ATP10D: variants seen among roughly 807,000 people sequenced by gnomAD.
ATP10D encodes ATPase phospholipid transporting 10D (putative).
ATP10D carries 89 observed loss-of-function variants against 144.8 expected under a neutral mutation model. The ratio of observed to expected loss-of-function variants is 0.61; its 90% confidence interval spans 0.52 to 0.73. The LOEUF is 0.73. Among genes scored for constraint, ATP10D ranks in the 30% least tolerant of loss-of-function variants. The pLI is 0.00. For missense variants in ATP10D, 1,603 were observed against 1,714.8 expected (o/e 0.93, Z 1.15); for synonymous variants, 571 against 615.1 (o/e 0.93, Z 1.06).
Position 47,581,982 on chromosome 4 carries a change from A to T in ATP10D, c.3671A>T (p.Asp1224Val). 6.2e-7 allele frequency: 1 copy of T among 1,613,918 alleles called. No individual in the cohort carries two copies. The highest frequency in any genetic ancestry group is 8.5e-7 in the Non-Finnish European group (1 of 1,179,870). Residue 1224 changes from aspartate to valine, a missense_variant, in exon 21 of 23, where the codon GAC becomes GTC. By Grantham distance (152) the Asp-to-Val change is radical. Transcript: ENST00000273859. ...PYFTYQGSDT[D>V]IFAFGNPLNT... ...TAGACCTACCAGGGCTCAGATACTG[A>T]CATCTTTGCATTTGGAAACCCCCTG... is the stretch of plus-strand genomic sequence containing the variant.
At chr4:47,575,804 G>T (rs943791169) in intron 18 of ATP10D, among the ~76,000 whole-genome samples, 2 of 152,142 alleles carry the variant, frequency 1.3e-5, no homozygotes, top group Admixed American at 1.3e-4. Flanking sequence ...CTGGAGGCTG[G>T]AAATCCAGAT....
chr4:47,501,299 A>G (rs934193357), intron 1 of ATP10D, among the ~76,000 whole-genome samples: 1 of 152,192 alleles, frequency 6.6e-6, no homozygotes, highest in Non-Finnish European at 1.5e-5. Context: ...ATTTGCATGT[A>G]TTGAATTATA....
chr4:47,488,187 C>T (rs937612705), intron 1 of ATP10D, among the ~76,000 whole-genome samples: 1 of 151,856 alleles, frequency 6.6e-6, no homozygotes, highest in East Asian at 1.9e-4. Context: ...ATTGATAAAA[C>T]TCAGTTACAA....
chr4:47,528,165 A>G (rs1717352383), intron 5 of ATP10D, among the ~76,000 whole-genome samples: 2 of 152,006 alleles, frequency 1.3e-5, no homozygotes, highest in Non-Finnish European at 2.9e-5. Flanking sequence ...TGCAATGGTG[A>G]GGTTTGGGTG....
intron 19 of ATP10D, among the ~76,000 whole-genome samples, chr4:47,579,539 A>G (rs752690921): frequency 6.6e-6 from 1 of 152,236 alleles, no homozygotes; most frequent in Admixed American, 6.5e-5. Context: ...CTAGGATACA[A>G]GTAATGAGGA....
intron 1 of ATP10D, among the ~76,000 whole-genome samples, chr4:47,507,589 A>G (rs73138081): frequency 4.5e-4 from 68 of 152,358 alleles, no homozygotes; most frequent in African/African-American, 1.6e-3. Context: ...AGATTGAGCC[A>G]TGCAAAAGGA....
chr4:47,555,456 C>G (rs1396630268), intron 11 of ATP10D, among the ~76,000 whole-genome samples: 1 of 152,158 alleles, frequency 6.6e-6, no homozygotes, highest in Non-Finnish European at 1.5e-5. Context: ...CCTAACAATC[C>G]TATGAGTTAG....
At chr4:47,491,227 A>AC in intron 1 of ATP10D, 1 of 768,562 alleles carries the variant, frequency 1.3e-6, no homozygotes, top group East Asian at 2.5e-5. Flanking sequence ...CTTGCCCTTA[A>AC]CTTGTTTACA....
chr4:47,511,094 G>T (rs1173837720), intron 1 of ATP10D, among the ~76,000 whole-genome samples: 5 of 152,286 alleles, frequency 3.3e-5, no homozygotes, highest in African/African-American at 1.2e-4. Context: ...GCCATTGTGA[G>T]CAGCCAGTTA....
intron 5 of ATP10D, among the ~76,000 whole-genome samples, chr4:47,532,730 ACATCCTCC>A (rs1717632152): frequency 6.6e-6 from 1 of 152,202 alleles, no homozygotes; most frequent in Admixed American, 6.5e-5. Context: ...GGTAGAACTG[ACATCCTCC>A]CTATTTGTGA....
chr4:47,524,856 A>T (rs1177735740), intron 4 of ATP10D, among the ~76,000 whole-genome samples: 1 of 152,184 alleles, frequency 6.6e-6, no homozygotes, highest in Non-Finnish European at 1.5e-5. Flanking sequence ...ATATCATATA[A>T]TTCACATTTT....
chr4:47,580,079 A>AAAACTTCTC (rs1381651620), intron 19 of ATP10D, among the ~76,000 whole-genome samples: 1 of 152,214 alleles, frequency 6.6e-6, no homozygotes, highest in Non-Finnish European at 1.5e-5. Context: ...ATAGAGTTGG[A>AAAACTTCTC]GAAGTTTTGA....
intron 1 of ATP10D, among the ~76,000 whole-genome samples, chr4:47,511,358 C>T (rs1388877279): frequency 2.0e-5 from 3 of 151,916 alleles, no homozygotes; most frequent in South Asian, 2.1e-4. Context: ...CATGATAAGA[C>T]GGGCTATCTA....
At chr4:47,535,780 C>T in intron 6 of ATP10D, 122 bp from the exon 7 acceptor site, 1 of 1,347,422 alleles carries the variant, frequency 7.4e-7, no homozygotes, top group Non-Finnish European at 1.0e-6. Flanking sequence ...GCAGATTGAA[C>T]TGACAAAATA....
intron 9 of ATP10D, among the ~76,000 whole-genome samples, chr4:47,539,145 G>A (rs1718003176): frequency 6.6e-6 from 1 of 152,074 alleles, no homozygotes; most frequent in African/African-American, 2.4e-5. Flanking sequence ...TTATATCTTT[G>A]TTATATAAAT....
chr4:47,580,642 G>C (rs546762828), intron 20 of ATP10D, among the ~76,000 whole-genome samples, 164 bp downstream of exon 20: 1 of 152,252 alleles, frequency 6.6e-6, no homozygotes, highest in East Asian at 1.9e-4. Flanking sequence ...TTAGGTAATG[G>C]ATTAAATTTA....
intron 15 of ATP10D, among the ~76,000 whole-genome samples, chr4:47,565,714 A>G (rs1313576047): frequency 6.6e-6 from 1 of 152,200 alleles, no homozygotes; most frequent in African/African-American, 2.4e-5. Context: ...AATCTTTAGG[A>G]CTGTGAAATT....
chr4:47,533,969 A>G (rs934314273), intron 5 of ATP10D, among the ~76,000 whole-genome samples: 7 of 152,174 alleles, frequency 4.6e-5, no homozygotes, highest in African/African-American at 1.4e-4. Flanking sequence ...CCATAATATC[A>G]TGTAATACCA....
At chr4:47,572,793 G>T in intron 17 of ATP10D, 79 bp from the exon 18 acceptor site, 1 of 1,580,470 alleles carries the variant, frequency 6.3e-7, no homozygotes, top group Non-Finnish European at 8.7e-7. Flanking sequence ...GAGGCCTAGG[G>T]TTTCCCAAGA....
Sources: gnomAD v4.1 joint callset for allele counts (sites outside exome capture counted in the v4.1 genomes callset) on GRCh38, gnomAD v4.1.1 for gene constraint, MANE v1.5 for transcripts, NCBI Gene and HGNC (gene_info 2026-07-23, HGNC 2026-07-21) for gene names.